The following CD72 variants were observed in gnomAD, a reference collection of about 807,000 sequenced individuals.
CD72 encodes CD72 molecule.
Under a neutral mutation model 50.7 loss-of-function variants are expected in CD72, and 28 were observed. The observed-to-expected ratio is 0.55, with a 90% CI of 0.41 to 0.76. CD72 has a LOEUF of 0.76. CD72 is among the 30% of genes least tolerant of loss of function. CD72 has a pLI of 0.00. For synonymous variants in CD72, 176 were observed against 171.2 expected (o/e 1.03, Z -0.22); for missense variants, 403 against 420.6 (o/e 0.96, Z 0.37).
At chr9:35,646,834 G>A (rs963027872), upstream of CD72, 3 of 152,254 alleles carry the variant, frequency 2.0e-5, no homozygotes, top group African/African-American at 7.2e-5. Flanking sequence ...CCAGACCCTG[G>A]GGTGGCCCCG....
At chr9:35,618,619 C>T, upstream of CD72, 1 of 595,740 alleles carries the variant, frequency 1.7e-6, no homozygotes, top group East Asian at 4.7e-5. Context: ...GCATCTTAAA[C>T]CCATATGGGC....
chr9:35,635,785 T>C (rs1823284449), intron 1 of CD72, among the ~76,000 whole-genome samples: 1 of 152,204 alleles, frequency 6.6e-6, no homozygotes, highest in Non-Finnish European at 1.5e-5. Context: ...CTGAGGCTGT[T>C]TTCCAGAACT....
chr9:35,636,407 A>T (rs1354962118), intron 1 of CD72, among the ~76,000 whole-genome samples: 1 of 152,208 alleles, frequency 6.6e-6, no homozygotes, highest in Non-Finnish European at 1.5e-5. Context: ...TGTTATAAGG[A>T]ACCAGAACAA....
Position 35,618,091 on chromosome 9 carries a change from G to A in CD72, c.113C>T (p.Thr38Ile). The A allele has an allele frequency of 6.2e-7, 1 of 1,614,078 alleles. No individual in the cohort carries two copies. ...DPGADDDGEI[T>I]YENVQVPAVL... is the part of the protein sequence containing the mutation. ...TGCGGGCACTTGAACATTCTCGTAGGTGATTTCCCCATCATCATCAGCCCC... is the reference window on the plus strand; with the variant it reads ...TGCGGGCACTTGAACATTCTCGTAGATGATTTCCCCATCATCATCAGCCCC... The change falls in exon 2 of 9, where the codon ACC (threonine) becomes ATC (isoleucine). Residue 38 changes from threonine (T) to isoleucine (I), a missense_variant. Physicochemically the swap from Thr to Ile is moderately conservative, Grantham distance 89 (BLOSUM62 -1). Transcript: ENST00000259633.
At chr9:35,628,363 C>A (rs1052683446) in intron 1 of CD72, among the ~76,000 whole-genome samples, 3 of 152,196 alleles carry the variant, frequency 2.0e-5, no homozygotes, top group African/African-American at 7.2e-5. Context: ...GAGGCTGAGG[C>A]CGGTGGATTA....
chr9:35,615,722 C>T (rs1343488962), intron 5 of CD72, among the ~76,000 whole-genome samples: 2 of 149,872 alleles, frequency 1.3e-5, no homozygotes, highest in African/African-American at 4.9e-5. Flanking sequence ...CTCCTCTCCC[C>T]TACAGGATGA....
At chr9:35,617,073 G>C in intron 3 of CD72, 103 bp downstream of exon 3, 2 of 1,507,796 alleles carry the variant, frequency 1.3e-6, no homozygotes, top group Non-Finnish European at 1.8e-6. Flanking sequence ...CTGCGCCCGG[G>C]TTTATCCCGG....
intron 1 of CD72, among the ~76,000 whole-genome samples, chr9:35,640,606 G>A (rs1018631829): frequency 5.9e-5 from 9 of 152,254 alleles, no homozygotes; most frequent in African/African-American, 1.2e-4. Context: ...ACTGGGTCAG[G>A]AGCACAGCAG....
upstream of CD72, among the ~76,000 whole-genome samples, chr9:35,622,629 A>G (rs1823154664): frequency 6.6e-6 from 1 of 152,102 alleles, no homozygotes; most frequent in African/African-American, 2.4e-5. Context: ...TCTACTAATA[A>G]TACAAAAATT....
At chr9:35,612,010 C>T in intron 6 of CD72, 91 bp from the exon 7 acceptor site, 1 of 730,992 alleles carries the variant, frequency 1.4e-6, no homozygotes, top group Non-Finnish European at 2.5e-6. Context: ...TCAGCTTTGG[C>T]AAGGGGGCTG....
intron 1 of CD72, among the ~76,000 whole-genome samples, chr9:35,637,934 C>T (rs1205883549): frequency 6.6e-6 from 1 of 152,178 alleles, no homozygotes; most frequent in East Asian, 1.9e-4. Context: ...ATTCCCCCAT[C>T]TTTTCCCTTA....
intron 1 of CD72, among the ~76,000 whole-genome samples, chr9:35,631,572 T>C (rs1823246283): frequency 6.6e-6 from 1 of 152,234 alleles, no homozygotes; most frequent in African/African-American, 2.4e-5. Flanking sequence ...GAGCCTTTCT[T>C]CGTTTTCTAT....
chr9:35,612,198 C>G lies in CD72; in HGVS notation c.835-279G>C, dbSNP rs1249817459. On this transcript the variant is annotated intron_variant, in intron 6 of 8. Coordinates refer to ENST00000259633, the MANE Select transcript of CD72 (RefSeq NM_001782.3). Reference sequence around the variant, plus strand: ...AACTAATCCCTACAATCCAGCCCACCAGGTGTGGGACCTCTCTGCCTGAGA... The same window carrying G: ...AACTAATCCCTACAATCCAGCCCACGAGGTGTGGGACCTCTCTGCCTGAGA... Among the ~76,000 whole-genome samples, 5 of 152,174 alleles carry G rather than the reference C, an allele frequency of 3.3e-5. No individual in the cohort carries two copies. In the South Asian group the frequency reaches 8.3e-4, roughly 25 times the overall value.
chr9:35,623,115 T>C (rs1158409414), upstream of CD72, among the ~76,000 whole-genome samples: 1 of 151,938 alleles, frequency 6.6e-6, no homozygotes, highest in East Asian at 1.9e-4. Context: ...AAAAAATAAA[T>C]GAATCAAAAT....
Position 35,626,777 on chromosome 9 carries a change from T to G in CD72, n.409-8656A>C, listed in dbSNP as rs1011812530. 3.9e-5 allele frequency among the ~76,000 whole-genome samples: 6 copies of G among 152,338 alleles called. No homozygotes were observed. The Middle Eastern group carries it at 0.017, about 432-fold the overall frequency. On this transcript the variant is annotated intron_variant and non_coding_transcript_variant, in intron 1 of 3. Coordinates refer to the CD72 transcript ENST00000465754. Reference sequence around the variant, plus strand: ...TAACATTTTTTAACAATAAGGTATTTTTTAATTAAGGTATTACATTGTTTT... The same window carrying G: ...TAACATTTTTTAACAATAAGGTATTGTTTAATTAAGGTATTACATTGTTTT...
chr9:35,636,306 T>C (rs576901732), intron 1 of CD72, among the ~76,000 whole-genome samples: 1 of 152,250 alleles, frequency 6.6e-6, no homozygotes, highest in African/African-American at 2.4e-5. Context: ...TAGCCTTTGG[T>C]TCTATTTGAC....
At chr9:35,639,272 T>C (rs138958234) in intron 1 of CD72, among the ~76,000 whole-genome samples, 45 of 152,212 alleles carry the variant, frequency 3.0e-4, no homozygotes, top group African/African-American at 1.0e-3. Context: ...AAAAATGCAA[T>C]TGGTTTCTCA....
intron 1 of CD72, among the ~76,000 whole-genome samples, chr9:35,636,338 A>G (rs561522739): frequency 6.6e-6 from 1 of 152,264 alleles, no homozygotes; most frequent in South Asian, 2.1e-4. Context: ...CCACGTGCAC[A>G]TTATTTCTAT....
chr9:35,619,055 C>T (rs940733475), upstream of CD72, among the ~76,000 whole-genome samples: 5 of 152,178 alleles, frequency 3.3e-5, no homozygotes, highest in African/African-American at 4.8e-5. Context: ...AGCCAGAGGC[C>T]GAGCGCAGAT....
Sources: allele counts gnomAD v4.1 joint callset (sites outside exome capture counted in the v4.1 genomes callset), GRCh38; gene constraint gnomAD v4.1.1; transcripts MANE v1.5; gene names NCBI Gene and HGNC (gene_info 2026-07-23, HGNC 2026-07-21).